The following DNAJC3 variants were observed in gnomAD, a reference collection of about 807,000 sequenced individuals.
DNAJC3 encodes DnaJ heat shock protein family (Hsp40) member C3.
In DNAJC3, 38 loss-of-function variants were observed where a neutral mutation model predicts 68.6. The observed-to-expected ratio is 0.55, with a 90% CI of 0.43 to 0.73. The LOEUF is 0.73. Ranked by LOEUF, DNAJC3 falls within the 30% of genes least tolerant of loss-of-function variation. The pLI is 0.00. For synonymous variants in DNAJC3, 203 were observed against 204.0 expected (o/e 1.00, Z 0.04); for missense variants, 526 against 591.9 (o/e 0.89, Z 1.16).
intron 4 of DNAJC3, among the ~76,000 whole-genome samples, chr13:95,753,983 G>A (rs117620430): frequency 0.021 from 3,238 of 152,274 alleles, 47 homozygotes; most frequent in Non-Finnish European, 0.034. Flanking sequence ...ACTGAGAAAT[G>A]GTAAAACTTC....
At chr13:95,712,991 A>T (rs1224458939) in intron 2 of DNAJC3, among the ~76,000 whole-genome samples, 2 of 152,102 alleles carry the variant, frequency 1.3e-5, no homozygotes, top group Non-Finnish European at 2.9e-5. Context: ...TGGTTTTATA[A>T]GGGACTTTTC....
At chr13:95,741,455 A>G (rs922591437) in intron 4 of DNAJC3, among the ~76,000 whole-genome samples, 14 of 152,210 alleles carry the variant, frequency 9.2e-5, no homozygotes, top group African/African-American at 3.4e-4. Context: ...AGTGGGGGCA[A>G]TAACAGGCCA....
intron 9 of DNAJC3, among the ~76,000 whole-genome samples, chr13:95,784,374 A>C (rs1223992746): frequency 6.6e-6 from 1 of 152,136 alleles, no homozygotes; most frequent in Non-Finnish European, 1.5e-5. Flanking sequence ...GAAAAGGTGC[A>C]AGGGTGAAAA....
At chr13:95,787,236 GTGGGGC>G in intron 11 of DNAJC3, 81 bp downstream of exon 11, 1 of 1,532,692 alleles carries the variant, frequency 6.5e-7, no homozygotes, top group East Asian at 2.3e-5. Context: ...GGTTCTCCAC[GTGGGGC>G]TGTATAGGCA....
At chr13:95,738,734 G>C (rs1235077029) in intron 4 of DNAJC3, among the ~76,000 whole-genome samples, 7 of 152,146 alleles carry the variant, frequency 4.6e-5, no homozygotes, top group Non-Finnish European at 8.8e-5. Flanking sequence ...CGTGAGATGG[G>C]TTTCCTGAAT....
intron 4 of DNAJC3, among the ~76,000 whole-genome samples, chr13:95,726,872 TAAC>T (rs1339850487): frequency 6.6e-6 from 1 of 152,246 alleles, no homozygotes; most frequent in Non-Finnish European, 1.5e-5. Context: ...AACATTATCA[TAAC>T]ACTTGTCACA....
chr13:95,698,138 T>C (rs1392879286), intron 1 of DNAJC3, among the ~76,000 whole-genome samples: 2 of 152,120 alleles, frequency 1.3e-5, no homozygotes, highest in African/African-American at 4.8e-5. Context: ...CTTGTGCCTA[T>C]AGAGTATGCT....
intron 4 of DNAJC3, among the ~76,000 whole-genome samples, chr13:95,739,465 C>T (rs925765221): frequency 7.9e-5 from 12 of 151,494 alleles, no homozygotes; most frequent in African/African-American, 2.4e-4. Flanking sequence ...GTACACCAGT[C>T]AGACGTAGAT....
At chr13:95,775,225 G>T (rs1251568141) in intron 9 of DNAJC3, among the ~76,000 whole-genome samples, 3 of 152,126 alleles carry the variant, frequency 2.0e-5, no homozygotes, top group Non-Finnish European at 2.9e-5. Context: ...TCCTGCACTT[G>T]ACTGTAACGA....
At chr13:95,731,170 T>TA (rs57900418) in intron 4 of DNAJC3, among the ~76,000 whole-genome samples, 10,631 of 152,024 alleles carry the variant, frequency 0.07, 447 homozygotes, top group East Asian at 0.14. Context: ...TTTACTGAAT[T>TA]AAAAAAAATA....
chr13:95,733,118 G>A (rs1399913057), intron 4 of DNAJC3, among the ~76,000 whole-genome samples: 1 of 152,158 alleles, frequency 6.6e-6, no homozygotes. Flanking sequence ...CTGTTTTAGG[G>A]TAACATGTTC....
chr13:95,714,320 A>G (rs1348248089), intron 2 of DNAJC3, among the ~76,000 whole-genome samples: 1 of 151,698 alleles, frequency 6.6e-6, no homozygotes, highest in Admixed American at 6.6e-5. Flanking sequence ...GCTTGAGCTC[A>G]GGTGCAGTGA....
At chr13:95,694,044 C>G (rs1880358814) in intron 1 of DNAJC3, 1 of 152,004 alleles carries the variant, frequency 6.6e-6, no homozygotes, top group African/African-American at 2.4e-5. Context: ...CAGCCACCAC[C>G]AATCAACACC....
intron 4 of DNAJC3, among the ~76,000 whole-genome samples, chr13:95,734,990 G>C (rs7327361): frequency 7.9e-6 from 1 of 126,602 alleles, no homozygotes; most frequent in Non-Finnish European, 1.6e-5. Context: ...CCCACAACAG[G>C]CCCCAGAGTG....
At chr13:95,701,760 T>G (rs901079301) in intron 1 of DNAJC3, among the ~76,000 whole-genome samples, 3 of 152,264 alleles carry the variant, frequency 2.0e-5, no homozygotes, top group African/African-American at 7.2e-5. Flanking sequence ...AAACTGTTAC[T>G]AGTGTGACTG....
chr13:95,677,788 G>T (rs1277101916), intron 1 of DNAJC3, among the ~76,000 whole-genome samples: 1 of 152,232 alleles, frequency 6.6e-6, no homozygotes, highest in Non-Finnish European at 1.5e-5. Context: ...TGGGGAAGGA[G>T]TGTCATGTCC....
At chr13:95,679,145 A>C (rs1594764725) in intron 1 of DNAJC3, among the ~76,000 whole-genome samples, 1 of 151,500 alleles carries the variant, frequency 6.6e-6, no homozygotes, top group East Asian at 1.9e-4. Context: ...AGTTGACAAC[A>C]TCATGTGAGT....
rs1009018588 is a variant in DNAJC3 at position 95,792,511 on chromosome 13, G to T, written c.*1481G>T. 3 of 152,092 alleles carry T rather than the reference G, an allele frequency of 2.0e-5. No individual in the cohort carries two copies. The highest frequency in any genetic ancestry group is 4.4e-5 in the Non-Finnish European group (3 of 68,020). The allele number at this position is 152,092 out of a possible 1,614,324, so 9.4% of individuals were successfully genotyped here. A position where few individuals can be genotyped will look rare whatever the true frequency, so the allele number is the denominator to read the frequency against. On this transcript the variant is annotated 3_prime_UTR_variant, in exon 12 of 12. Transcript: ENST00000602402. ...TCACTGTGGGAGGCATCCTGACCAC[G>T]GACATCCATAACAGCAAAGCACAAA...
intron 2 of DNAJC3, among the ~76,000 whole-genome samples, chr13:95,720,002 ACAG>A (rs952809018): frequency 6.6e-6 from 1 of 152,140 alleles, no homozygotes; most frequent in Non-Finnish European, 1.5e-5. Flanking sequence ...CAGTACAGAC[ACAG>A]TTTTTTTTTT....
Sources: gnomAD v4.1 joint callset for allele counts (sites outside exome capture counted in the v4.1 genomes callset) on GRCh38, gnomAD v4.1.1 for gene constraint, MANE v1.5 for transcripts, NCBI Gene and HGNC (gene_info 2026-07-23, HGNC 2026-07-21) for gene names.